Variants in KIAA0753 observed in about 807,000 individuals in gnomAD.
KIAA0753 encodes the protein KIAA0753, also known as protein moonraker.
Under a neutral mutation model 116.9 loss-of-function variants are expected in KIAA0753, and 114 were observed. The observed-to-expected ratio is 0.98, with a 90% CI of 0.84 to 1.14. The LOEUF is 1.14. Among genes scored for constraint, KIAA0753 ranks in the 50% most tolerant of loss-of-function variants. KIAA0753 has a pLI of 0.00. For synonymous variants in KIAA0753, 405 were observed against 413.1 expected, an observed-to-expected ratio of 0.98 and a Z score of 0.24; for missense variants, 1,156 against 1,172.4, an observed-to-expected ratio of 0.99 and a Z score of 0.20.
In KIAA0753 at chr17:6,609,515, G is replaced by C. The variant is rs965082120; in HGVS notation, c.1712+479C>G. On this transcript the variant is annotated intron_variant, in intron 9 of 18. Transcript: ENST00000361413. ...CTAATTGCTCCCTGCAGCTAAGACA[G>C]TGTTGGTGAGATCTATATAGTTTTA... Among the ~76,000 whole-genome samples, 4 of 152,192 alleles carry C rather than the reference G, an allele frequency of 2.6e-5. No individual in the cohort carries two copies. In the East Asian group the frequency reaches 7.7e-4, roughly 29 times the overall value.
At chr17:6,582,239 C>T (rs1012945803) in intron 18 of KIAA0753, among the ~76,000 whole-genome samples, 4 of 152,088 alleles carry the variant, frequency 2.6e-5, no homozygotes, top group Non-Finnish European at 4.4e-5. Context: ...AACTAGAATC[C>T]AGTTATGTGT....
At chr17:6,594,838 A>T in intron 16 of KIAA0753, 134 bp downstream of exon 16, 1 of 689,386 alleles carries the variant, frequency 1.5e-6, no homozygotes, top group Non-Finnish European at 2.6e-6. Context: ...TGACAAAGCA[A>T]AGAGAGTGAA....
At chr17:6,585,838 T>G (rs975956977) in intron 18 of KIAA0753, among the ~76,000 whole-genome samples, 1 of 152,260 alleles carries the variant, frequency 6.6e-6, no homozygotes, top group Admixed American at 6.5e-5. Flanking sequence ...TCTGATATAA[T>G]AGCCTATGTA....
rs1291464285 is a variant in KIAA0753 at position 6,579,783 on chromosome 17, A to G, written c.2868T>C (p.Ala956=). The change falls in exon 19 of 19, where the codon GCT becomes GCC. Residue 956 remains alanine, a synonymous_variant. Transcript: ENST00000361413. The part of the protein sequence containing the change: ...LQDMCEDYAE[A]VFTSEFLEAA... ...CCTCTAAGAATTCTGAGGTGAACACAGCTTCTGCATAATCTTCGCACATAT... is the reference window on the plus strand; with the variant it reads ...CCTCTAAGAATTCTGAGGTGAACACGGCTTCTGCATAATCTTCGCACATAT... 9.3e-6 allele frequency: 15 copies of G among 1,613,760 alleles called. No homozygotes were observed. The highest frequency in any genetic ancestry group is 1.3e-5 in the Non-Finnish European group (15 of 1,179,946).
intron 7 of KIAA0753, among the ~76,000 whole-genome samples, chr17:6,617,259 T>C (rs938271299): frequency 4.6e-5 from 7 of 152,156 alleles, no homozygotes; most frequent in Non-Finnish European, 8.8e-5. Flanking sequence ...GCTGGGCTCA[T>C]CATAGAGGAT....
At chr17:6,587,037 C>T (rs777405169) in intron 18 of KIAA0753, among the ~76,000 whole-genome samples, 8 of 152,034 alleles carry the variant, frequency 5.3e-5, no homozygotes, top group Non-Finnish European at 1.0e-4. Context: ...GAGTTCGAGA[C>T]CAGCCTGGCC....
intron 6 of KIAA0753, 54 bp downstream of exon 6, chr17:6,622,828 T>C (rs1971415967): frequency 2.8e-6 from 4 of 1,427,610 alleles, no homozygotes; most frequent in Non-Finnish European, 4.0e-6. Flanking sequence ...AACTAGGTAA[T>C]AGTAAGCATT....
chr17:6,632,900 A>G (rs553376972), intron 2 of KIAA0753, among the ~76,000 whole-genome samples: 1 of 152,236 alleles, frequency 6.6e-6, no homozygotes, highest in Non-Finnish European at 1.5e-5. Context: ...AGACTCAGAA[A>G]TCAGATTAAA....
chr17:6,580,773 A>C (rs4796515), intron 18 of KIAA0753, among the ~76,000 whole-genome samples: 44,140 of 151,938 alleles, frequency 0.29, 7,682 homozygotes, highest in Admixed American at 0.39. Flanking sequence ...AGGCGACCAG[A>C]AACTAACCAG....
At chr17:6,627,976 CTGAGTACTCACACTCCAG>C in intron 3 of KIAA0753, 123 bp downstream of exon 3, 1 of 757,370 alleles carries the variant, frequency 1.3e-6, no homozygotes, top group South Asian at 1.9e-5. Flanking sequence ...CTGTCTTGTC[CTGAGTACTCACACTCCAG>C]TGAACCAACT....
chr17:6,626,730 G>C (rs1316183649), intron 3 of KIAA0753, among the ~76,000 whole-genome samples: 1 of 152,228 alleles, frequency 6.6e-6, no homozygotes, highest in African/African-American at 2.4e-5. Context: ...TTCCATAGCA[G>C]TTTGCCGCTA....
In KIAA0753 at chr17:6,623,865, G is replaced by A. The variant is rs183876106; in HGVS notation, c.826-294C>T. 8.7e-5 allele frequency: 24 copies of A among 276,224 alleles called. No homozygotes were observed. The East Asian group carries it at 1.9e-3, about 22-fold the overall frequency. 17.1% of individuals were successfully genotyped at this position (276,224 alleles called of 1,614,324 possible). ...TCTGGAAATGTAGGCGGGCCGGATCGTGAAGTCTTACATGCCACGCTGAAG... is the reference window on the plus strand; with the variant it reads ...TCTGGAAATGTAGGCGGGCCGGATCATGAAGTCTTACATGCCACGCTGAAG... On this transcript the variant is annotated intron_variant, in intron 4 of 18. Coordinates refer to ENST00000361413, the MANE Select transcript of KIAA0753 (RefSeq NM_014804.3).
Position 6,611,918 on chromosome 17 carries a change from C to T in KIAA0753, c.1545+1G>A, listed in dbSNP as rs1470714056. On this transcript the variant is annotated splice_donor_variant, in intron 8 of 18. Transcript: ENST00000361413. LOFTEE classifies it high-confidence loss of function. ...GCCAAAAGAGAGGAATGATTTCATA[C>T]TTGCTGTCTTGCTGGCGCCAGAGTA... 2.5e-6 allele frequency: 4 copies of T among 1,611,670 alleles called. No homozygotes were observed. The highest frequency in any genetic ancestry group is 2.2e-5 in the South Asian group (2 of 91,008).
intron 18 of KIAA0753, among the ~76,000 whole-genome samples, chr17:6,582,174 T>C (rs937445370): frequency 6.6e-6 from 1 of 152,200 alleles, no homozygotes; most frequent in Non-Finnish European, 1.5e-5. Flanking sequence ...TCCTAAAATA[T>C]AGAGAAAATA....
chr17:6,591,064 A>AGGAAGAAGGAAGAAGGAAGAAGGAAGAAG (rs879345492), intron 16 of KIAA0753, among the ~76,000 whole-genome samples: 3 of 88,890 alleles, frequency 3.4e-5, no homozygotes, highest in African/African-American at 1.1e-4. Flanking sequence ...AAGAAGAAGA[A>AGGAAGAAGGAAGAAGGAAGAAGGAAGAAG]GAAGAAGAAG....
At chr17:6,638,045 C>A (rs1283832366) in intron 1 of KIAA0753, 1 of 152,816 alleles carries the variant, frequency 6.5e-6, no homozygotes. Flanking sequence ...AGCCCAGGCC[C>A]CTCAGGCACC....
intron 13 of KIAA0753, 113 bp downstream of exon 13, chr17:6,600,267 A>C (rs1481522884): frequency 1.2e-5 from 9 of 774,994 alleles, no homozygotes; most frequent in Non-Finnish European, 1.8e-5. Flanking sequence ...GGTATCTTCC[A>C]GATGCCACAG....
intron 18 of KIAA0753, among the ~76,000 whole-genome samples, 163 bp from the exon 19 acceptor site, chr17:6,580,027 A>G (rs1042384440): frequency 1.1e-4 from 17 of 152,028 alleles, no homozygotes; most frequent in African/African-American, 4.1e-4. Flanking sequence ...TACTAAAAAT[A>G]CATAAAATTA....
intron 1 of KIAA0753, chr17:6,638,730 C>G (rs965486095): frequency 6.5e-6 from 1 of 153,576 alleles, no homozygotes; most frequent in Non-Finnish European, 1.4e-5. Context: ...GGCCCAGGCC[C>G]CCGCTGTGGC....
Sources: gnomAD v4.1 joint callset for allele counts (sites outside exome capture counted in the v4.1 genomes callset) on GRCh38, gnomAD v4.1.1 for gene constraint, MANE v1.5 for transcripts, NCBI Gene and HGNC (gene_info 2026-07-23, HGNC 2026-07-21) for gene names.